GPR176: variants seen among roughly 807,000 people sequenced by gnomAD.
The protein encoded by GPR176 is G protein-coupled receptor 176, also known as G-protein coupled receptor 176.
In GPR176, 26 loss-of-function variants were observed where a neutral mutation model predicts 35.4. The observed-to-expected ratio is 0.74, with a 90% CI of 0.54 to 1.02. The LOEUF (loss-of-function observed/expected upper bound fraction) is 1.02, where lower values mean the gene tolerates loss of function less well. GPR176 is among the 50% of genes least tolerant of loss of function. GPR176 has a pLI of 0.00. For missense variants in GPR176, 597 were observed against 665.3 expected, an observed-to-expected ratio of 0.90 and a Z score of 1.13; for synonymous variants, 278 against 271.3, an observed-to-expected ratio of 1.02 and a Z score of -0.24.
At position 39,801,784 on chromosome 15, in the gene GPR176, A is replaced by T. The variant is rs1367399307; in HGVS notation, c.896T>A (p.Val299Asp). 2 of 1,613,828 alleles carry T rather than the reference A, an allele frequency of 1.2e-6. No homozygotes were observed. The highest frequency in any genetic ancestry group is 1.7e-6 in the Non-Finnish European group (2 of 1,179,874). The change falls in exon 3 of 3, where the codon GTC (valine) becomes GAC (aspartate). Residue 299 changes from valine (V) to aspartate (D), a missense_variant. Around this residue, in one of 3 missense-constraint regions of GPR176, gnomAD observed 220 missense variants for 297.6 expected, o/e 0.74. Coordinates refer to ENST00000561100, the MANE Select transcript of GPR176 (RefSeq NM_007223.3). The stretch of plus-strand genomic sequence containing the variant: ...CCAAACAGCAGTGAGCAGCAAGAAG[A>T]CGGAAGTGTCAGGGACATTGAGCAC... ...QTVLNVPDTS[V>D]FLLLTAVWLP...
chr15:39,918,155 C>T (rs934916285), intron 1 of GPR176, among the ~76,000 whole-genome samples: 1 of 151,664 alleles, frequency 6.6e-6, no homozygotes, highest in African/African-American at 2.4e-5. Flanking sequence ...ATGTCACTCA[C>T]AAGTGCTATG....
At chr15:39,856,728 T>C (rs981780532) in intron 1 of GPR176, among the ~76,000 whole-genome samples, 1 of 152,238 alleles carries the variant, frequency 6.6e-6, no homozygotes, top group Admixed American at 6.5e-5. Context: ...ATTCTATTGA[T>C]TAGAAGTGGG....
At chr15:39,904,497 G>A (rs2033367480) in intron 1 of GPR176, among the ~76,000 whole-genome samples, 1 of 152,154 alleles carries the variant, frequency 6.6e-6, no homozygotes, top group Admixed American at 6.5e-5. Flanking sequence ...AGAGAACTGT[G>A]GGTGCACTGT....
At position 39,869,601 on chromosome 15, in the gene GPR176, C is replaced by G. The variant is rs1283569537; in HGVS notation, c.172+50254G>C. On this transcript the variant is annotated intron_variant, in intron 1 of 2. Coordinates refer to ENST00000561100, the MANE Select transcript of GPR176 (RefSeq NM_007223.3). ...TTTTCTTCTCTCTTCTCCTCATCTT[C>G]ATTTCCTCACATTTTGTTCCCTTTT... Among the ~76,000 whole-genome samples, 5 of 152,152 alleles carry G rather than the reference C, an allele frequency of 3.3e-5. No individual in the cohort carries two copies. The East Asian group carries it at 9.6e-4, about 29-fold the overall frequency.
chr15:39,800,809 G>A lies in GPR176; in HGVS notation c.*323C>T, dbSNP rs935783426. On this transcript the variant is annotated 3_prime_UTR_variant, in exon 3 of 3. Coordinates refer to ENST00000561100, the MANE Select transcript of GPR176 (RefSeq NM_007223.3). ...CTCTGTGTGTTCTCTGCAGAGCCCA[G>A]GGAAGTGAGGCATCCTCAGAAAGTG... is the stretch of plus-strand genomic sequence containing the variant. 1.8e-5 allele frequency: 5 copies of A among 276,736 alleles called. No homozygotes were observed. The highest frequency in any genetic ancestry group is 8.8e-5 in the African/African-American group (4 of 45,418). 17.1% of individuals were successfully genotyped at this position (276,736 alleles called of 1,614,324 possible). A position where few individuals can be genotyped will look rare whatever the true frequency, so the allele number is the denominator to read the frequency against.
chr15:39,910,594 G>A (rs1460248693), intron 1 of GPR176, among the ~76,000 whole-genome samples: 2 of 151,952 alleles, frequency 1.3e-5, no homozygotes, highest in African/African-American at 4.8e-5. Flanking sequence ...CATGATCACA[G>A]GCAAGCAACA....
chr15:39,840,537 C>T (rs1224185119), intron 1 of GPR176, among the ~76,000 whole-genome samples: 1 of 151,976 alleles, frequency 6.6e-6, no homozygotes, highest in Non-Finnish European at 1.5e-5. Flanking sequence ...ATGTAAATGA[C>T]GAGTTAATGG....
At chr15:39,865,628 C>T (rs2031797426) in intron 1 of GPR176, among the ~76,000 whole-genome samples, 1 of 151,748 alleles carries the variant, frequency 6.6e-6, no homozygotes, top group African/African-American at 2.4e-5. Flanking sequence ...TTATGGATAC[C>T]CTAAAAGACC....
intron 1 of GPR176, among the ~76,000 whole-genome samples, chr15:39,868,208 C>T (rs986019639): frequency 6.6e-6 from 1 of 152,172 alleles, no homozygotes; most frequent in Non-Finnish European, 1.5e-5. Context: ...TCTGGGATCA[C>T]GAACAGCCAC....
At chr15:39,876,912 A>T (rs1231516487) in intron 1 of GPR176, among the ~76,000 whole-genome samples, 1 of 152,016 alleles carries the variant, frequency 6.6e-6, no homozygotes, top group Non-Finnish European at 1.5e-5. Context: ...GAAAGAGAAT[A>T]GGTGATCTAC....
chr15:39,869,152 T>A (rs1402036459), intron 1 of GPR176, among the ~76,000 whole-genome samples: 11 of 130,004 alleles, frequency 8.5e-5, no homozygotes, highest in African/African-American at 3.2e-4. Flanking sequence ...AACTGCTTTT[T>A]AAAAAAAAAA....
chr15:39,848,644 A>G lies in GPR176; in HGVS notation c.173-41386T>C, dbSNP rs538758761. ...CAACCACAATGGAATCAAACTAGAA[A>G]TTAGTAAAAGAAAGACAACAGAAAA... On this transcript the variant is annotated intron_variant, in intron 1 of 2. Coordinates refer to ENST00000561100, the MANE Select transcript of GPR176 (RefSeq NM_007223.3). Among the ~76,000 whole-genome samples the G allele has an allele frequency of 2.6e-5, 4 of 152,328 alleles. No individual in the cohort carries two copies. The South Asian group carries it at 8.3e-4, about 32-fold the overall frequency.
In GPR176 at chr15:39,800,890, A is replaced by C; in HGVS notation, c.*242T>G. The C allele has an allele frequency of 1.4e-5, 6 of 442,384 alleles. No individual in the cohort carries two copies. Among genetic ancestry groups the C allele is most frequent in the East Asian group, 4.6e-5 (1 of 21,680 alleles). The allele number at this position is 442,384 out of a possible 1,614,324, so 27.4% of individuals were successfully genotyped here. On this transcript the variant is annotated 3_prime_UTR_variant, in exon 3 of 3. Transcript: ENST00000561100. ...AAAACTGCCCAGCTCTTGTCCCCAC[A>C]GAGAATAATGTGGACTTCACTAAGG...
chr15:39,857,705 G>A (rs1026973323), intron 1 of GPR176, among the ~76,000 whole-genome samples: 3 of 151,576 alleles, frequency 2.0e-5, no homozygotes, highest in Admixed American at 6.6e-5. Context: ...GCGGTGGCTT[G>A]TGCCTGTAAT....
At chr15:39,842,890 A>G (rs777232707) in intron 1 of GPR176, among the ~76,000 whole-genome samples, 3 of 152,136 alleles carry the variant, frequency 2.0e-5, no homozygotes, top group Non-Finnish European at 2.9e-5. Flanking sequence ...AAAGCCAGGC[A>G]TGACAGGACT....
At chr15:39,816,788 C>T (rs530419097) in intron 1 of GPR176, among the ~76,000 whole-genome samples, 78 of 152,250 alleles carry the variant, frequency 5.1e-4, no homozygotes, top group African/African-American at 1.9e-3. Flanking sequence ...GGTGTGGTGG[C>T]TCACACCTGT....
At chr15:39,875,014 C>T (rs1188203875) in intron 1 of GPR176, among the ~76,000 whole-genome samples, 1 of 152,168 alleles carries the variant, frequency 6.6e-6, no homozygotes, top group Admixed American at 6.5e-5. Flanking sequence ...TGCACTCCAG[C>T]CTGGGCAACA....
chr15:39,804,954 GT>G (rs988684512), intron 2 of GPR176, among the ~76,000 whole-genome samples: 2 of 152,220 alleles, frequency 1.3e-5, no homozygotes, highest in Non-Finnish European at 2.9e-5. Flanking sequence ...AGGAGTGACT[GT>G]AAGTAAATGG....
intron 1 of GPR176, among the ~76,000 whole-genome samples, chr15:39,895,764 G>A (rs1470286087): frequency 1.3e-5 from 2 of 151,996 alleles, no homozygotes; most frequent in African/African-American, 4.8e-5. Flanking sequence ...TTTGCCAGTC[G>A]CTGAGCTAGG....
Sources: gnomAD v4.1 joint callset for allele counts (sites outside exome capture counted in the v4.1 genomes callset) on GRCh38, gnomAD v4.1.1 for gene constraint, gnomAD v4.1.1 regional missense constraint, MANE v1.5 for transcripts, NCBI Gene and HGNC (gene_info 2026-07-23, HGNC 2026-07-21) for gene names.